The following HMGB1 variants were observed in gnomAD, a reference collection of about 807,000 sequenced individuals.
HMGB1 encodes the protein high mobility group protein B1.
For missense variants in HMGB1, 79 were observed against 253.5 expected (o/e 0.31, Z 4.67); for synonymous variants, 81 against 84.0 (o/e 0.96, Z 0.19).
chr13:30,538,679 T>TTC (rs1454659751), intron 1 of HMGB1, among the ~76,000 whole-genome samples: 5 of 29,998 alleles, frequency 1.7e-4, no homozygotes, highest in Non-Finnish European at 2.6e-4. Context: ...TTTCTTTCTT[T>TTC]CTTTCCTTTC....
At chr13:30,585,075 A>T (rs552644364) in intron 1 of HMGB1, among the ~76,000 whole-genome samples, 6 of 152,000 alleles carry the variant, frequency 3.9e-5, no homozygotes, top group Non-Finnish European at 7.4e-5. Context: ...GCTTGACCCC[A>T]GGAGATTGAG....
rs1358051493 is a variant in HMGB1 at position 30,461,306 on chromosome 13, G to A, written c.*51C>T. The A allele has an allele frequency of 1.3e-6, 2 of 1,518,948 alleles. No homozygotes were observed. The allele number at this position is 1,518,948 out of a possible 1,614,324, so 94.1% of individuals were successfully genotyped here. A position where few individuals can be genotyped will look rare whatever the true frequency, so the allele number is the denominator to read the frequency against. ...TTTAAAAGGAGTGAGTTGTGTACAG[G>A]GGGGTTAAATGCTTTATAGACAAGA... On this transcript the variant is annotated 3_prime_UTR_variant, in exon 5 of 5. Transcript: ENST00000341423.
chr13:30,464,106 G>A, intron 1 of HMGB1: 2 of 984,978 alleles, frequency 2.0e-6, no homozygotes, highest in Non-Finnish European at 2.4e-6. Flanking sequence ...GAATAAACAA[G>A]GGCCTAAGCG....
At position 30,599,062 on chromosome 13, in the gene HMGB1, C is replaced by T. The variant is rs578100922; in HGVS notation, c.-15+17609G>A. ...CCTGGGCTCAAGCAATCCTCCACCT[C>T]AGCCTCCCAAGTAGCAACCAACAGT... is the stretch of plus-strand genomic sequence containing the variant. On this transcript the variant is annotated intron_variant, in intron 1 of 4. Transcript: ENST00000405805. Among the ~76,000 whole-genome samples the T allele has an allele frequency of 2.6e-5, 4 of 152,280 alleles. No homozygotes were observed. The East Asian group carries it at 5.8e-4, about 22-fold the overall frequency.
chr13:30,464,086 A>G (rs1886542509), intron 1 of HMGB1: 1 of 986,454 alleles, frequency 1.0e-6, no homozygotes, highest in Non-Finnish European at 1.2e-6. Flanking sequence ...GTGGCTTTGC[A>G]CTAGATAGGG....
chr13:30,577,702 C>T (rs1037854564), intron 1 of HMGB1, among the ~76,000 whole-genome samples: 4 of 152,176 alleles, frequency 2.6e-5, no homozygotes, highest in Non-Finnish European at 5.9e-5. Flanking sequence ...TGTCAGTAAC[C>T]TCCCTGTGAA....
At chr13:30,488,870 C>G (rs570965859) in intron 1 of HMGB1, among the ~76,000 whole-genome samples, 1 of 151,710 alleles carries the variant, frequency 6.6e-6, no homozygotes, top group Non-Finnish European at 1.5e-5. Flanking sequence ...CCTCCACACA[C>G]CTAACATACA....
At chr13:30,578,278 C>T (rs1016569815) in intron 1 of HMGB1, among the ~76,000 whole-genome samples, 4 of 151,108 alleles carry the variant, frequency 2.6e-5, no homozygotes, top group African/African-American at 9.7e-5. Flanking sequence ...TTTATTATGA[C>T]ACTTAACCAT....
intron 1 of HMGB1, among the ~76,000 whole-genome samples, chr13:30,521,459 T>C (rs1005177024): frequency 1.3e-5 from 2 of 152,214 alleles, no homozygotes; most frequent in African/African-American, 4.8e-5. Flanking sequence ...TTTGTATAAG[T>C]GGAATTGCAA....
Position 30,471,654 on chromosome 13 carries a change from CTTTTTTTTTTTTTTTTTT to C in HMGB1, c.-14-7978_-14-7961del, listed in dbSNP as rs1171119586. On this transcript the variant is annotated intron_variant, in intron 1 of 4. Transcript: ENST00000405805. ...ACAGGCATGAGCCACCGTGCCCGGC[CTTTTTTTTTTTTTTTTTT>C]TTTTTTTTTTTTTGAGATGGAGTTT... is the stretch of plus-strand genomic sequence containing the variant. Among the ~76,000 whole-genome samples, 7 of 30,564 alleles carry C rather than the reference CTTTTTTTTTTTTTTTTTT, an allele frequency of 2.3e-4. 1 individual carries two copies. Among genetic ancestry groups the C allele is most frequent in the East Asian group, 1.3e-3 (1 of 782 alleles). The allele number at this position is 30,564 out of a possible 152,430, so 20.1% of individuals were successfully genotyped here.
intron 1 of HMGB1, among the ~76,000 whole-genome samples, chr13:30,590,894 C>G (rs187689193): frequency 6.6e-6 from 1 of 152,114 alleles, no homozygotes; most frequent in Non-Finnish European, 1.5e-5. Flanking sequence ...GCTTCTCAGC[C>G]TACAGAACTG....
chr13:30,463,507 T>C, intron 2 of HMGB1, 24 bp downstream of exon 2: 1 of 1,596,856 alleles, frequency 6.3e-7, no homozygotes, highest in South Asian at 1.1e-5. Context: ...AATTACCTTG[T>C]TAGCATGTTT....
At chr13:30,463,880 A>G (rs924332742) in intron 1 of HMGB1, 186 bp from the exon 2 acceptor site, 14 of 510,296 alleles carry the variant, frequency 2.7e-5, no homozygotes, top group Non-Finnish European at 4.3e-5. Flanking sequence ...TGCCAAGCAA[A>G]CAAAACAAAA....
chr13:30,593,735 A>G (rs1218081500), intron 1 of HMGB1, among the ~76,000 whole-genome samples: 6 of 152,244 alleles, frequency 3.9e-5, no homozygotes, highest in Non-Finnish European at 8.8e-5. Flanking sequence ...ATTTAAAAAG[A>G]TATCTACAAC....
intron 1 of HMGB1, among the ~76,000 whole-genome samples, chr13:30,530,880 C>G (rs1349978198): frequency 2.6e-5 from 4 of 152,026 alleles, no homozygotes; most frequent in Admixed American, 6.6e-5. Context: ...AATCCTGTCT[C>G]TACAAAAAAT....
chr13:30,599,431 G>A (rs1871762898), intron 1 of HMGB1, among the ~76,000 whole-genome samples: 1 of 152,124 alleles, frequency 6.6e-6, no homozygotes, highest in Non-Finnish European at 1.5e-5. Flanking sequence ...TCAGGCCATT[G>A]TACTCCAGCC....
At chr13:30,491,032 C>CTT (rs936351783) in intron 1 of HMGB1, among the ~76,000 whole-genome samples, 62 of 146,116 alleles carry the variant, frequency 4.2e-4, no homozygotes, top group African/African-American at 1.4e-3. Context: ...CACAAAAATA[C>CTT]TTTTTTTTTT....
intron 1 of HMGB1, among the ~76,000 whole-genome samples, chr13:30,528,142 C>T (rs1888412406): frequency 6.6e-6 from 1 of 152,244 alleles, no homozygotes; most frequent in Non-Finnish European, 1.5e-5. Flanking sequence ...AGTGACCAGG[C>T]AACCCGTCTC....
At chr13:30,583,528 C>CAAAA (rs35519297) in intron 1 of HMGB1, among the ~76,000 whole-genome samples, 12 of 66,944 alleles carry the variant, frequency 1.8e-4, no homozygotes, top group South Asian at 5.5e-4. Context: ...ACCTGGTCTC[C>CAAAA]AAAAAAAAAA....
Sources: gnomAD v4.1 joint callset for allele counts (sites outside exome capture counted in the v4.1 genomes callset) on GRCh38, gnomAD v4.1.1 for gene constraint, MANE v1.5 for transcripts, NCBI Gene and HGNC (gene_info 2026-07-23, HGNC 2026-07-21) for gene names.